RAB27A: variants seen among roughly 807,000 people sequenced by gnomAD.
The protein encoded by RAB27A is RAB27A, member RAS oncogene family, also known as ras-related protein Rab-27A.
Under a neutral mutation model 20.8 loss-of-function variants are expected in RAB27A, and 17 were observed. The ratio of observed to expected loss-of-function variants is 0.82; its 90% CI spans 0.56 to 1.23. The LOEUF (loss-of-function observed/expected upper bound fraction) is 1.23. RAB27A is among the 50% of genes most tolerant of loss of function. RAB27A has a pLI of 0.00. For missense variants in RAB27A, 277 were observed against 266.7 expected (o/e 1.04, Z -0.27); for synonymous variants, 85 against 92.8 (o/e 0.92, Z 0.48).
intron 2 of RAB27A, among the ~76,000 whole-genome samples, chr15:55,248,440 T>A (rs1408631156): frequency 2.0e-5 from 3 of 152,166 alleles, no homozygotes; most frequent in Non-Finnish European, 4.4e-5. Context: ...AGTTGCTATA[T>A]CAACTTCAAG....
intron 2 of RAB27A, among the ~76,000 whole-genome samples, chr15:55,247,149 A>C (rs1357699753): frequency 6.6e-6 from 1 of 152,168 alleles, no homozygotes; most frequent in Non-Finnish European, 1.5e-5. Context: ...CTGAAAATGA[A>C]AAAGGAGGAA....
upstream of RAB27A, chr15:55,290,042 C>T (rs1351633946): frequency 6.6e-6 from 1 of 152,236 alleles, no homozygotes; most frequent in Non-Finnish European, 1.5e-5. Context: ...CTGCCCCATT[C>T]TGGAAGGCGC....
At chr15:55,230,828 T>C (rs1009955085) in intron 3 of RAB27A, among the ~76,000 whole-genome samples, 2 of 152,194 alleles carry the variant, frequency 1.3e-5, no homozygotes, top group Non-Finnish European at 2.9e-5. Flanking sequence ...CTCATCTTTT[T>C]TGTTTGTTTA....
intron 5 of RAB27A, 64 bp downstream of exon 5, chr15:55,228,544 TA>T: frequency 8.2e-7 from 1 of 1,214,668 alleles, no homozygotes; most frequent in Admixed American, 1.7e-5. Context: ...AAGTAGAGCA[TA>T]AGAGGGCATT....
chr15:55,241,625 T>TATATATAA (rs1896494062), intron 2 of RAB27A, among the ~76,000 whole-genome samples: 1 of 119,444 alleles, frequency 8.4e-6, no homozygotes, highest in African/African-American at 4.8e-5. Flanking sequence ...TATATATATA[T>TATATATAA]GTGTGTATAT....
intron 2 of RAB27A, among the ~76,000 whole-genome samples, chr15:55,299,826 C>CT (rs1189966751): frequency 0.014 from 1,997 of 142,418 alleles, 45 homozygotes; most frequent in African/African-American, 0.043. Flanking sequence ...CTTTTTTTTT[C>CT]TTTTTTTTTT....
At chr15:55,310,313 T>G (rs1298614666) in intron 2 of RAB27A, among the ~76,000 whole-genome samples, 1 of 152,102 alleles carries the variant, frequency 6.6e-6, no homozygotes, top group Non-Finnish European at 1.5e-5. Flanking sequence ...GTTAACCTCC[T>G]GGCCCTCAAT....
At chr15:55,281,211 T>A (rs1159547471) in intron 1 of RAB27A, among the ~76,000 whole-genome samples, 1 of 152,230 alleles carries the variant, frequency 6.6e-6, no homozygotes, top group Non-Finnish European at 1.5e-5. Flanking sequence ...TTCTCCAGCA[T>A]TAAAGCTCTT....
intron 5 of RAB27A, among the ~76,000 whole-genome samples, chr15:55,224,630 G>A (rs535725008): frequency 9.9e-5 from 15 of 152,232 alleles, no homozygotes; most frequent in African/African-American, 3.6e-4. Flanking sequence ...TTCTTATTCC[G>A]CAGCTTTTAT....
At chr15:55,239,743 C>G (rs148776926) in intron 2 of RAB27A, among the ~76,000 whole-genome samples, 6 of 152,106 alleles carry the variant, frequency 3.9e-5, no homozygotes, top group Non-Finnish European at 7.4e-5. Context: ...AAACTGATCA[C>G]GCTGACCAGG....
intron 5 of RAB27A, among the ~76,000 whole-genome samples, chr15:55,227,104 C>T (rs1895837150): frequency 6.6e-6 from 1 of 152,082 alleles, no homozygotes; most frequent in South Asian, 2.1e-4. Flanking sequence ...CTTTACCTAA[C>T]TGAGCAATAA....
intron 2 of RAB27A, among the ~76,000 whole-genome samples, chr15:55,255,206 G>T (rs1271134951): frequency 6.6e-6 from 1 of 152,144 alleles, no homozygotes; most frequent in Non-Finnish European, 1.5e-5. Context: ...GTAATTAACA[G>T]AATGATCACA....
At chr15:55,223,564 T>A (rs1595687584) in intron 6 of RAB27A, among the ~76,000 whole-genome samples, 2 of 151,796 alleles carry the variant, frequency 1.3e-5, no homozygotes, top group East Asian at 3.9e-4. Context: ...ACATGGAGGA[T>A]TTCTTTACCC....
intron 2 of RAB27A, among the ~76,000 whole-genome samples, chr15:55,262,036 CAAA>C (rs75960374): frequency 4.8e-5 from 4 of 84,062 alleles, no homozygotes; most frequent in Admixed American, 2.5e-4. Flanking sequence ...GACTCCATCC[CAAA>C]AAAAAAAAAA....
intron 2 of RAB27A, among the ~76,000 whole-genome samples, chr15:55,309,163 T>C (rs1366730791): frequency 2.6e-5 from 4 of 152,192 alleles, no homozygotes; most frequent in African/African-American, 7.2e-5. Context: ...GTGTATACAA[T>C]GGTCTGTCTA....
At chr15:55,228,239 T>C (rs916771701) in intron 5 of RAB27A, among the ~76,000 whole-genome samples, 1 of 152,176 alleles carries the variant, frequency 6.6e-6, no homozygotes, top group Non-Finnish European at 1.5e-5. Context: ...CCAGAGATGA[T>C]AGAAGAATTG....
chr15:55,311,327 T>C (rs2055019740), intron 2 of RAB27A, among the ~76,000 whole-genome samples: 1 of 152,216 alleles, frequency 6.6e-6, no homozygotes, highest in Non-Finnish European at 1.5e-5. Context: ...TTGCTTTAAG[T>C]CTGAGAGAGA....
chr15:55,250,459 C>A (rs2141034189), intron 2 of RAB27A, among the ~76,000 whole-genome samples: 1 of 152,280 alleles, frequency 6.6e-6, no homozygotes, highest in East Asian at 1.9e-4. Flanking sequence ...CACTAGACTT[C>A]TCTCCTTTGC....
chr15:55,315,348 C>T (rs368543699), intron 1 of RAB27A, among the ~76,000 whole-genome samples: 5 of 152,034 alleles, frequency 3.3e-5, no homozygotes, highest in South Asian at 2.1e-4. Context: ...GACATAGGCA[C>T]GGGCAAAGAC....
Sources: allele counts gnomAD v4.1 joint callset (sites outside exome capture counted in the v4.1 genomes callset), GRCh38; gene constraint gnomAD v4.1.1; transcripts MANE v1.5; gene names NCBI Gene and HGNC (gene_info 2026-07-23, HGNC 2026-07-21).